RBPJ: variants seen among roughly 807,000 people sequenced by gnomAD.
The protein encoded by RBPJ is recombining binding protein suppressor of hairless.
Under a neutral mutation model 67.8 loss-of-function variants are expected in RBPJ, and 9 were observed. The observed-to-expected ratio is 0.13, with a 90% CI of 0.08 to 0.23. The LOEUF is 0.23. RBPJ is among the 10% of genes least tolerant of loss of function. RBPJ has a pLI of 1.00. For synonymous variants in RBPJ, 198 were observed against 203.3 expected, an observed-to-expected ratio of 0.97 and a Z score of 0.22; for missense variants, 305 against 595.6, an observed-to-expected ratio of 0.51 and a Z score of 5.08.
intron 2 of RBPJ, among the ~76,000 whole-genome samples, chr4:26,392,587 C>T (rs1731622941): frequency 6.6e-6 from 1 of 152,120 alleles, no homozygotes; most frequent in Admixed American, 6.6e-5. Flanking sequence ...TGAATGATTC[C>T]ACTTACATAG....
At chr4:26,109,421 TCTCC>T in the RBPJ span, among the ~76,000 whole-genome samples, 577 of 17,378 alleles carry the variant, frequency 0.033, 151 homozygotes, top group South Asian at 0.047. Context: ...CCTCTCTCTC[TCTCC>T]CTCTCTCTCT....
chr4:26,405,402 C>T (rs1199869022), intron 2 of RBPJ, among the ~76,000 whole-genome samples: 3 of 152,132 alleles, frequency 2.0e-5, no homozygotes, highest in African/African-American at 4.8e-5. Context: ...ATAGTTTCAT[C>T]TGTGTAGAGC....
At position 26,213,254 on chromosome 4, in the gene RBPJ, G is replaced by C. The variant is rs192539771; in HGVS notation, c.-167+49640G>C. Among the ~76,000 whole-genome samples the C allele has an allele frequency of 5.8e-4, 88 of 152,174 alleles. 4 individuals are homozygous for C. The highest frequency in any genetic ancestry group is 2.0e-3 in the African/African-American group (82 of 41,548). Reference sequence around the variant, plus strand: ...TAGCATCAGAATTGAATTGAACTGGGGAACAACCAACTGGTGTCTGCTGCA... The same window carrying C: ...TAGCATCAGAATTGAATTGAACTGGCGAACAACCAACTGGTGTCTGCTGCA... On this transcript the variant is annotated intron_variant, in intron 1 of 4. Coordinates refer to the RBPJ transcript ENST00000512351.
intron 1 of RBPJ, among the ~76,000 whole-genome samples, chr4:26,197,183 G>A (rs576964565): frequency 2.0e-5 from 3 of 152,296 alleles, no homozygotes; most frequent in Admixed American, 6.5e-5. Flanking sequence ...GTCAGCAGTG[G>A]CAAGGTTGTG....
At chr4:26,342,370 T>C (rs1725634617) in intron 1 of RBPJ, among the ~76,000 whole-genome samples, 1 of 152,198 alleles carries the variant, frequency 6.6e-6, no homozygotes, top group South Asian at 2.1e-4. Flanking sequence ...TATCTTGTTT[T>C]ACAGAAACTT....
intron 1 of RBPJ, among the ~76,000 whole-genome samples, chr4:26,375,355 A>G (rs551469517): frequency 6.6e-6 from 1 of 152,120 alleles, no homozygotes; most frequent in Non-Finnish European, 1.5e-5. Context: ...AGTATGTAAT[A>G]TAATGCCTGC....
At chr4:26,237,033 G>A (rs1158316389) in intron 1 of RBPJ, among the ~76,000 whole-genome samples, 1 of 152,180 alleles carries the variant, frequency 6.6e-6, no homozygotes, top group Non-Finnish European at 1.5e-5. Flanking sequence ...AGGCAAAACA[G>A]CAGCAACAAC....
chr4:26,355,925 C>T (rs1475360397), intron 1 of RBPJ, among the ~76,000 whole-genome samples: 1 of 152,190 alleles, frequency 6.6e-6, no homozygotes, highest in Non-Finnish European at 1.5e-5. Flanking sequence ...TCTTCTTCCA[C>T]CTCTCAGTTT....
chr4:26,152,866 C>T, the RBPJ span, among the ~76,000 whole-genome samples: 1 of 152,114 alleles, frequency 6.6e-6, no homozygotes, highest in African/African-American at 2.4e-5. Flanking sequence ...ATGAACTGCC[C>T]CAGTTTATGA....
intron 1 of RBPJ, among the ~76,000 whole-genome samples, chr4:26,311,015 AT>A (rs561358907): frequency 3.0e-4 from 46 of 152,322 alleles, no homozygotes; most frequent in African/African-American, 1.1e-3. Context: ...CTTTGCAAGA[AT>A]TTTGATGAGA....
chr4:26,399,127 AC>A (rs1391215717), intron 2 of RBPJ, among the ~76,000 whole-genome samples: 7 of 151,698 alleles, frequency 4.6e-5, no homozygotes, highest in Admixed American at 4.6e-4. Context: ...TCCCGCCACC[AC>A]CCCTTTTCCT....
At chr4:26,325,197 T>G (rs185897443) in intron 1 of RBPJ, among the ~76,000 whole-genome samples, 11 of 152,298 alleles carry the variant, frequency 7.2e-5, no homozygotes, top group African/African-American at 2.4e-4. Flanking sequence ...CTAAAAAATC[T>G]CTTGAATTTG....
At chr4:26,358,680 G>A (rs1182141086) in intron 1 of RBPJ, among the ~76,000 whole-genome samples, 2 of 151,718 alleles carry the variant, frequency 1.3e-5, no homozygotes, top group Non-Finnish European at 2.9e-5. Context: ...CTACTCAGGA[G>A]GCTGAGGCAT....
At chr4:26,267,521 G>A (rs1054549711) in intron 1 of RBPJ, among the ~76,000 whole-genome samples, 2 of 152,026 alleles carry the variant, frequency 1.3e-5, no homozygotes, top group Non-Finnish European at 1.5e-5. Flanking sequence ...TGAATTTAAC[G>A]AGGTATTCAC....
the RBPJ span, among the ~76,000 whole-genome samples, chr4:26,157,398 A>T: frequency 6.6e-6 from 1 of 152,196 alleles, no homozygotes. Context: ...ACACCACTGC[A>T]CTCCAACCTG....
chr4:26,220,682 A>T (rs1483395129), intron 1 of RBPJ, among the ~76,000 whole-genome samples: 1 of 149,188 alleles, frequency 6.7e-6, no homozygotes, highest in Non-Finnish European at 1.5e-5. Context: ...CTAAGTGTCC[A>T]TTATGTCACA....
At chr4:26,226,616 G>A (rs1719085123) in intron 1 of RBPJ, among the ~76,000 whole-genome samples, 1 of 152,132 alleles carries the variant, frequency 6.6e-6, no homozygotes, top group South Asian at 2.1e-4. Context: ...ACTCAAGTTG[G>A]GTTACACGGA....
the RBPJ span, among the ~76,000 whole-genome samples, chr4:26,158,149 A>G: frequency 6.6e-6 from 1 of 152,206 alleles, no homozygotes; most frequent in Non-Finnish European, 1.5e-5. Context: ...CTCATCCTAT[A>G]GGCACTATCT....
intron 2 of RBPJ, among the ~76,000 whole-genome samples, chr4:26,387,581 C>G (rs1296606148): frequency 6.6e-6 from 1 of 152,058 alleles, no homozygotes; most frequent in African/African-American, 2.4e-5. Flanking sequence ...TCCTGAGAAA[C>G]TGGGAGTCCA....
Sources: allele counts gnomAD v4.1 joint callset (sites outside exome capture counted in the v4.1 genomes callset), GRCh38; gene constraint gnomAD v4.1.1; transcripts MANE v1.5; gene names NCBI Gene and HGNC (gene_info 2026-07-23, HGNC 2026-07-21).